Variants in ATM observed in about 807,000 individuals in gnomAD.
ATM encodes ATM serine/threonine kinase.
ATM carries 308 observed loss-of-function variants against 387.0 expected under a neutral mutation model. The observed-to-expected ratio is 0.80, with a 90% CI of 0.73 to 0.87. The LOEUF is 0.87. Ranked by LOEUF, ATM falls within the 40% of genes least tolerant of loss-of-function variation. The pLI is 0.00. For missense variants in ATM, 3,312 were observed against 3,560.9 expected (o/e 0.93, Z 1.78); for synonymous variants, 1,156 against 1,187.3 (o/e 0.97, Z 0.54).
rs1366172645 is a variant in ATM at position 108,332,945 on chromosome 11, C to G, written c.7927+45C>G. 1.9e-6 allele frequency: 3 copies of G among 1,587,794 alleles called. No individual in the cohort carries two copies. The East Asian group carries it at 6.7e-5, about 36-fold the overall frequency. ...GAAACGTTACTTTCTTGCTGTGTTACTCTCTGTAGAGATATATTAGTTATA... is the reference window on the plus strand; with the variant it reads ...GAAACGTTACTTTCTTGCTGTGTTAGTCTCTGTAGAGATATATTAGTTATA... On this transcript the variant is annotated intron_variant, in intron 53 of 62. Coordinates refer to ENST00000675843, the MANE Select transcript of ATM (RefSeq NM_000051.4).
chr11:108,254,166 C>G, intron 13 of ATM, 127 bp downstream of exon 13: 1 of 795,984 alleles, frequency 1.3e-6, no homozygotes. Context: ...AGCAAAGTGG[C>G]AGTAAAGGGC....
At chr11:108,317,313 T>C (rs2136158799) in intron 42 of ATM, 60 bp from the exon 43 acceptor site, 1 of 1,546,756 alleles carries the variant, frequency 6.5e-7, no homozygotes, top group Non-Finnish European at 8.9e-7. Flanking sequence ...TGTTTTTTTC[T>C]CTGGTTTTCT....
intron 22 of ATM, among the ~76,000 whole-genome samples, chr11:108,275,000 T>C (rs780917867): frequency 3.9e-5 from 6 of 152,212 alleles, no homozygotes; most frequent in Non-Finnish European, 8.8e-5. Context: ...TGTGTGGAAG[T>C]CTAAGTCTCT....
chr11:108,289,847 G>T, intron 29 of ATM, 46 bp downstream of exon 29: 1 of 1,552,706 alleles, frequency 6.4e-7, no homozygotes, highest in Non-Finnish European at 8.8e-7. Flanking sequence ...TTTCTATCCT[G>T]TTCTTCCTGT....
intron 15 of ATM, 33 bp from the exon 16 acceptor site, chr11:108,258,953 T>A: frequency 6.5e-7 from 1 of 1,534,392 alleles, no homozygotes; most frequent in Non-Finnish European, 9.0e-7. Context: ...TTTATTTCTT[T>A]GTTGCTTGGT....
At position 108,251,033 on chromosome 11, in the gene ATM, T is replaced by C. The variant is rs768038315; in HGVS notation, c.1568T>C (p.Phe523Ser). ...QGSLVEVDRE[F>S]WKLFTGSACR... ...AGTTTAGTTGAGGTTGACAGAGAAT[T>C]CTGGAAGTTATTTACTGGGTCAGCC... The change falls in exon 10 of 63, where the codon TTC becomes TCC. Residue 523 changes from phenylalanine (F) to serine (S), a missense_variant. Phe to Ser is a radical substitution (Grantham distance 155, BLOSUM62 -2). Around this residue, in one of 4 missense-constraint regions of ATM, gnomAD observed 1,791 missense variants for 1,804.5 expected, o/e 0.99. Transcript: ENST00000675843. 2.5e-6 allele frequency: 4 copies of C among 1,614,178 alleles called. No homozygotes were observed. The highest frequency in any genetic ancestry group is 3.4e-6 in the Non-Finnish European group (4 of 1,180,040).
chr11:108,268,364 C>A (rs2135521574), intron 17 of ATM, 46 bp from the exon 18 acceptor site: 1 of 1,556,408 alleles, frequency 6.4e-7, no homozygotes, highest in Non-Finnish European at 8.8e-7. Context: ...CTATATATGG[C>A]TGTTGTGCCC....
At chr11:108,269,554 G>C (rs1195124104) in intron 18 of ATM, among the ~76,000 whole-genome samples, 3 of 152,108 alleles carry the variant, frequency 2.0e-5, no homozygotes, top group Admixed American at 2.0e-4. Context: ...CAACCTGAAT[G>C]CATTTACTTA....
chr11:108,301,116 AAG>A (rs909810857), intron 34 of ATM, among the ~76,000 whole-genome samples: 4 of 152,128 alleles, frequency 2.6e-5, no homozygotes. Context: ...ACAGTTTTTG[AAG>A]AGAGTGCCAC....
chr11:108,293,534 A>G lies in ATM; in HGVS notation c.4776+57A>G, dbSNP rs2135815442. The G allele has an allele frequency of 6.4e-6, 9 of 1,401,122 alleles. No individual in the cohort carries two copies. The South Asian group carries it at 1.1e-4, about 17-fold the overall frequency. The allele number at this position is 1,401,122 out of a possible 1,614,324, so 86.8% of individuals were successfully genotyped here. A position where few individuals can be genotyped will look rare whatever the true frequency, so the allele number is the denominator to read the frequency against. The stretch of plus-strand genomic sequence containing the variant: ...ATTAGAGAACATAGTAGTACTTTTC[A>G]AAAATCTGTAATGCTCTAGCAGTAA... On this transcript the variant is annotated intron_variant, in intron 31 of 62. Coordinates refer to ENST00000675843, the MANE Select transcript of ATM (RefSeq NM_000051.4).
intron 22 of ATM, among the ~76,000 whole-genome samples, chr11:108,274,459 T>C (rs947612628): frequency 5.3e-5 from 8 of 152,214 alleles, no homozygotes; most frequent in African/African-American, 1.7e-4. Flanking sequence ...AATTGTGATG[T>C]TAGGGTGTTG....
At position 108,293,848 on chromosome 11, in the gene ATM, A is replaced by G. The variant is rs539724206; in HGVS notation, c.4776+371A>G. Among the ~76,000 whole-genome samples the G allele has an allele frequency of 2.2e-3, 319 of 145,584 alleles. 2 individuals carry two copies. The highest frequency in any genetic ancestry group is 4.0e-3 in the Non-Finnish European group (271 of 67,022). ...AGCCAAGATTGCTCCACTGCATTCC[A>G]GCCTGGATGACAGAGTGAGACCCTG... On this transcript the variant is annotated intron_variant, in intron 31 of 62. Transcript: ENST00000675843.
At chr11:108,253,749 C>G (rs2080285573) in intron 12 of ATM, 65 bp from the exon 13 acceptor site, 1 of 1,186,494 alleles carries the variant, frequency 8.4e-7, no homozygotes, top group Admixed American at 1.8e-5. Context: ...TAATATATTG[C>G]TAATACATAT....
At chr11:108,354,345 T>C (rs904299026) in intron 60 of ATM, among the ~76,000 whole-genome samples, 2 of 152,166 alleles carry the variant, frequency 1.3e-5, no homozygotes, top group Non-Finnish European at 2.9e-5. Flanking sequence ...CAAACTACTA[T>C]TGGGTGCTCA....
chr11:108,229,374 G>T (rs759952043), intron 4 of ATM, 51 bp downstream of exon 4: 2 of 1,371,652 alleles, frequency 1.5e-6, no homozygotes, highest in Non-Finnish European at 9.8e-7. Flanking sequence ...TTACTGTCGC[G>T]TGAGTTTTTT....
intron 31 of ATM, among the ~76,000 whole-genome samples, chr11:108,294,672 G>A (rs1258128119): frequency 6.6e-6 from 1 of 152,130 alleles, no homozygotes; most frequent in African/African-American, 2.4e-5. Context: ...CCGGGGAGGC[G>A]GAGGTAGCAG....
intron 61 of ATM, among the ~76,000 whole-genome samples, chr11:108,356,540 T>TAAA (rs374615780): frequency 4.1e-5 from 4 of 97,794 alleles, no homozygotes; most frequent in Non-Finnish European, 6.4e-5. Flanking sequence ...CTGTCTGTCT[T>TAAA]AAAAAAAAAA....
Position 108,252,044 on chromosome 11 carries a change from C to T in ATM, c.1802+13C>T, listed in dbSNP as rs1555072105. ...CAATTCTTCACAGGTAATTTAAGTT[C>T]ATTAGCATGCTGCTGTTTTTTTTGT... On this transcript the variant is annotated intron_variant, in intron 11 of 62. Transcript: ENST00000675843. 1 of 1,606,990 alleles carries T rather than the reference C, an allele frequency of 6.2e-7. No homozygotes were observed. The highest frequency in any genetic ancestry group is 8.5e-7 in the Non-Finnish European group (1 of 1,176,866).
chr11:108,291,379 AT>A (rs541575103), intron 29 of ATM, among the ~76,000 whole-genome samples: 161 of 152,190 alleles, frequency 1.1e-3, no homozygotes, highest in Non-Finnish European at 1.5e-3. Context: ...AAAATTTTTT[AT>A]TTTCGCCATT....
Sources: gnomAD v4.1 joint callset for allele counts (sites outside exome capture counted in the v4.1 genomes callset) on GRCh38, gnomAD v4.1.1 for gene constraint, gnomAD v4.1.1 regional missense constraint, MANE v1.5 for transcripts, NCBI Gene and HGNC (gene_info 2026-07-23, HGNC 2026-07-21) for gene names.